Variants in TUSC3 observed in about 807,000 individuals in gnomAD.
TUSC3 encodes the protein tumor suppressor candidate 3, also known as dolichyl-diphosphooligosaccharide--protein glycosyltransferase subunit TUSC3.
Under a neutral mutation model 44.8 loss-of-function variants are expected in TUSC3, and 45 were observed. The ratio of observed to expected loss-of-function variants is 1.00; its 90% CI spans 0.79 to 1.29. TUSC3 has a LOEUF of 1.29. TUSC3 is among the 50% of genes most tolerant of loss of function. The pLI is 0.00. For missense variants in TUSC3, 519 were observed against 437.9 expected, an observed-to-expected ratio of 1.19 and a Z score of -1.65; for synonymous variants, 212 against 152.9, an observed-to-expected ratio of 1.39 and a Z score of -2.85.
intron 2 of TUSC3, among the ~76,000 whole-genome samples, chr8:15,644,599 T>C (rs2129173025): frequency 6.6e-6 from 1 of 152,210 alleles, no homozygotes; most frequent in South Asian, 2.1e-4. Context: ...GTTTTCTCTG[T>C]CCCCTATTAA....
At chr8:15,771,216 C>T (rs990158440), downstream of TUSC3, among the ~76,000 whole-genome samples, 1 of 152,100 alleles carries the variant, frequency 6.6e-6, no homozygotes, top group African/African-American at 2.4e-5. Context: ...TCTACATAGA[C>T]CTATACCATA....
rs889837083 is a variant in TUSC3, at chr8:15,531,330, C to T, written n.189+47847C>T. On this transcript the variant is annotated intron_variant and non_coding_transcript_variant, in intron 2 of 5. Transcript: ENST00000503191. ...GGCTGGAGTACAATGGTGGTCATTG[C>T]AACCTCCATCTCCTGGGTTAAAGCG... 1.1e-4 allele frequency among the ~76,000 whole-genome samples: 17 copies of T among 152,174 alleles called. 1 individual carries two copies. The highest frequency in any genetic ancestry group is 4.1e-4 in the South Asian group (2 of 4,832).
chr8:15,586,459 G>T (rs1350918222), intron 1 of TUSC3, among the ~76,000 whole-genome samples: 1 of 152,116 alleles, frequency 6.6e-6, no homozygotes, highest in Non-Finnish European at 1.5e-5. Flanking sequence ...TAAGATAGGA[G>T]AGTGGGATAG....
intron 7 of TUSC3, among the ~76,000 whole-genome samples, chr8:15,741,694 TAAA>T (rs573887591): frequency 7.6e-5 from 11 of 145,556 alleles, no homozygotes; most frequent in African/African-American, 2.8e-4. Flanking sequence ...CTCTAAAAAT[TAAA>T]AAAAAAAAAT....
chr8:15,510,356 G>T (rs1049717828), intron 2 of TUSC3, among the ~76,000 whole-genome samples: 1 of 152,088 alleles, frequency 6.6e-6, no homozygotes, highest in African/African-American at 2.4e-5. Context: ...TAAAAAGACT[G>T]ATCAGGGAAA....
At chr8:15,548,394 C>T (rs1801945797) in intron 1 of TUSC3, among the ~76,000 whole-genome samples, 1 of 151,952 alleles carries the variant, frequency 6.6e-6, no homozygotes, top group South Asian at 2.1e-4. Flanking sequence ...GTATATGATA[C>T]AGTTGTACAT....
At position 15,431,614 on chromosome 8, in the gene TUSC3, T is replaced by C. The variant is rs575655023; in HGVS notation, n.91+14309T>C. Among the ~76,000 whole-genome samples, 5 of 148,574 alleles carry C rather than the reference T, an allele frequency of 3.4e-5. No homozygotes were observed. In the South Asian group the frequency reaches 1.0e-3, roughly 31 times the overall value. On this transcript the variant is annotated intron_variant and non_coding_transcript_variant, in intron 1 of 5. Coordinates refer to the TUSC3 transcript ENST00000503191. ...TTTCTATATATAGGATTATGTCTTG[T>C]ACAAACAGAAATAACTTTGCTTCTT...
intron 2 of TUSC3, among the ~76,000 whole-genome samples, chr8:15,624,607 CT>C (rs1294305671): frequency 6.6e-6 from 1 of 152,152 alleles, no homozygotes; most frequent in East Asian, 1.9e-4. Flanking sequence ...TATGTATCAT[CT>C]TTAATGAAGT....
the TUSC3 span, among the ~76,000 whole-genome samples, chr8:15,775,568 G>C: frequency 1.3e-5 from 2 of 151,560 alleles, no homozygotes; most frequent in Non-Finnish European, 1.5e-5. Flanking sequence ...CCGGACTTCA[G>C]TGTCCCAGTT....
intron 1 of TUSC3, among the ~76,000 whole-genome samples, chr8:15,463,571 G>A (rs1022317603): frequency 1.3e-5 from 2 of 152,042 alleles, no homozygotes; most frequent in African/African-American, 4.8e-5. Context: ...GTAATAGAAT[G>A]GTCTAGTGGC....
the TUSC3 span, among the ~76,000 whole-genome samples, chr8:15,795,215 T>C: frequency 2.6e-5 from 4 of 152,128 alleles, no homozygotes; most frequent in East Asian, 5.8e-4. Context: ...ACCTTTTCAC[T>C]TCACCCAAGG....
intron 1 of TUSC3, among the ~76,000 whole-genome samples, chr8:15,550,595 G>T (rs1018191313): frequency 6.6e-6 from 1 of 151,202 alleles, no homozygotes; most frequent in Admixed American, 6.6e-5. Flanking sequence ...CTGTCCTTTC[G>T]CCACTTTCAT....
chr8:15,483,649 A>T (rs1372966846), intron 2 of TUSC3, among the ~76,000 whole-genome samples: 48 of 66,156 alleles, frequency 7.3e-4, no homozygotes, highest in East Asian at 2.7e-3. Flanking sequence ...TAGCACTGTG[A>T]TTTTTTTTTT....
intron 1 of TUSC3, among the ~76,000 whole-genome samples, chr8:15,443,336 T>TTGTGTGTGAGTG (rs1554502147): frequency 7.5e-6 from 1 of 132,884 alleles, no homozygotes; most frequent in Non-Finnish European, 1.6e-5. Flanking sequence ...ACCCACCTAA[T>TTGTGTGTGAGTG]TGTGTGTGTG....
chr8:15,581,862 G>A lies in TUSC3; in HGVS notation c.139-41218G>A, dbSNP rs559769821. 4.7e-5 allele frequency among the ~76,000 whole-genome samples: 4 copies of A among 84,282 alleles called. 2 individuals carry two copies. The highest frequency in any genetic ancestry group is 1.1e-4 in the African/African-American group (2 of 18,454). 55.3% of individuals were successfully genotyped at this position (84,282 alleles called of 152,430 possible). ...GGGCTCCACCCAGTTGGAGCTTCCC[G>A]TTTACCTAATCAAGCCTGGGCAATG... On this transcript the variant is annotated intron_variant, in intron 1 of 10. Transcript: ENST00000503731.
chr8:15,511,888 A>T (rs1175314244), intron 2 of TUSC3, among the ~76,000 whole-genome samples: 1 of 152,078 alleles, frequency 6.6e-6, no homozygotes, highest in African/African-American at 2.4e-5. Flanking sequence ...AGAAGTACTA[A>T]ATGAATGGAG....
the TUSC3 span, among the ~76,000 whole-genome samples, chr8:15,832,506 A>G: frequency 6.6e-6 from 1 of 152,212 alleles, no homozygotes; most frequent in Non-Finnish European, 1.5e-5. Context: ...ATAAAGAACT[A>G]TGACCCATTG....
chr8:15,802,146 G>T, the TUSC3 span, among the ~76,000 whole-genome samples: 6 of 152,146 alleles, frequency 3.9e-5, no homozygotes, highest in Non-Finnish European at 7.3e-5. Context: ...GGATGCCCGA[G>T]ACTTTGGTTT....
the TUSC3 span, among the ~76,000 whole-genome samples, chr8:15,782,082 C>G: frequency 6.6e-6 from 1 of 152,190 alleles, no homozygotes; most frequent in African/African-American, 2.4e-5. Context: ...TGACAGTGAG[C>G]CGAGATCGTG....
Sources: allele counts gnomAD v4.1 joint callset (sites outside exome capture counted in the v4.1 genomes callset), GRCh38; gene constraint gnomAD v4.1.1; transcripts MANE v1.5; gene names NCBI Gene and HGNC (gene_info 2026-07-23, HGNC 2026-07-21).